Variants in FHOD3 observed in about 807,000 individuals in gnomAD.
FHOD3 encodes FH1/FH2 domain-containing protein 3.
A neutral mutation model predicts 173.0 loss-of-function variants in FHOD3; 90 were observed. The observed-to-expected ratio is 0.52, with a 90% CI of 0.44 to 0.62. FHOD3 has a LOEUF of 0.62. Among genes scored for constraint, FHOD3 ranks in the 20% least tolerant of loss-of-function variants. The pLI is 0.00. For synonymous variants in FHOD3, 828 were observed against 823.0 expected (o/e 1.01, Z -0.10); for missense variants, 1,945 against 2,034.7 (o/e 0.96, Z 0.85).
chr18:36,596,687 G>T (rs1366214131), intron 7 of FHOD3, among the ~76,000 whole-genome samples: 1 of 152,148 alleles, frequency 6.6e-6, no homozygotes, highest in Non-Finnish European at 1.5e-5. Context: ...GAGGCAACTC[G>T]AGGTCTCTTT....
At chr18:36,547,213 C>T (rs1206247495) in intron 5 of FHOD3, among the ~76,000 whole-genome samples, 7 of 152,244 alleles carry the variant, frequency 4.6e-5, no homozygotes, top group South Asian at 2.1e-4. Flanking sequence ...AGCACCAGGC[C>T]GGCCTGTTCC....
chr18:36,333,806 C>G (rs1455761667), intron 1 of FHOD3, among the ~76,000 whole-genome samples: 1 of 152,236 alleles, frequency 6.6e-6, no homozygotes, highest in Admixed American at 6.5e-5. Flanking sequence ...AGTGACTTAT[C>G]CATGCTTAAG....
intron 6 of FHOD3, among the ~76,000 whole-genome samples, chr18:36,583,597 G>A (rs575783801): frequency 6.4e-4 from 98 of 152,204 alleles, no homozygotes; most frequent in African/African-American, 2.2e-3. Context: ...CCTGCTGTGT[G>A]GCTGTGCACC....
At chr18:36,635,503 A>G (rs2034819808) in intron 10 of FHOD3, among the ~76,000 whole-genome samples, 1 of 152,204 alleles carries the variant, frequency 6.6e-6, no homozygotes, top group Non-Finnish European at 1.5e-5. Flanking sequence ...TCGCTGGTCC[A>G]GGAAGGAGTG....
At chr18:36,520,128 T>G (rs1214961707) in intron 5 of FHOD3, among the ~76,000 whole-genome samples, 2 of 152,008 alleles carry the variant, frequency 1.3e-5, no homozygotes, top group East Asian at 3.9e-4. Flanking sequence ...TGGCTAATAT[T>G]TTTTATTTTT....
intron 3 of FHOD3, among the ~76,000 whole-genome samples, chr18:36,403,532 C>T (rs962878908): frequency 2.0e-5 from 3 of 152,270 alleles, no homozygotes; most frequent in Middle Eastern, 3.4e-3. Flanking sequence ...TTATCACTTA[C>T]GGATCTTACT....
intron 9 of FHOD3, among the ~76,000 whole-genome samples, chr18:36,622,612 G>C (rs2033802204): frequency 6.6e-6 from 1 of 152,128 alleles, no homozygotes; most frequent in African/African-American, 2.4e-5. Context: ...CCATTACTTG[G>C]GACAGTGTTA....
chr18:36,539,371 T>C (rs1006784568), intron 5 of FHOD3, among the ~76,000 whole-genome samples: 2 of 152,218 alleles, frequency 1.3e-5, no homozygotes, highest in Non-Finnish European at 2.9e-5. Context: ...TTCACGTGTA[T>C]AGAAGACATG....
chr18:36,642,321 T>A (rs1009338394), intron 10 of FHOD3, among the ~76,000 whole-genome samples: 3 of 152,124 alleles, frequency 2.0e-5, no homozygotes, highest in Non-Finnish European at 2.9e-5. Context: ...TTACATATTT[T>A]AAAAATCCTA....
At chr18:36,514,637 A>T (rs982307482) in intron 5 of FHOD3, among the ~76,000 whole-genome samples, 1 of 152,250 alleles carries the variant, frequency 6.6e-6, no homozygotes, top group Non-Finnish European at 1.5e-5. Flanking sequence ...AAAATAAGTT[A>T]TCCCCAACAC....
intron 3 of FHOD3, among the ~76,000 whole-genome samples, chr18:36,436,582 AATG>A (rs2050821359): frequency 6.6e-6 from 1 of 152,244 alleles, no homozygotes; most frequent in African/African-American, 2.4e-5. Context: ...TTTGTGACGT[AATG>A]ATCTTAATAT....
At chr18:36,443,639 T>G (rs1568278667) in intron 3 of FHOD3, among the ~76,000 whole-genome samples, 1 of 152,220 alleles carries the variant, frequency 6.6e-6, no homozygotes, top group Non-Finnish European at 1.5e-5. Flanking sequence ...GAACGGTGTT[T>G]AGAAACCAAG....
chr18:36,553,655 G>A (rs190092910), intron 5 of FHOD3, among the ~76,000 whole-genome samples: 196 of 151,938 alleles, frequency 1.3e-3, no homozygotes, highest in Non-Finnish European at 2.5e-3. Context: ...CTGTGGGATC[G>A]GCTTCTGCAT....
At chr18:36,364,236 C>T (rs2046778699) in intron 2 of FHOD3, among the ~76,000 whole-genome samples, 1 of 152,072 alleles carries the variant, frequency 6.6e-6, no homozygotes, top group Non-Finnish European at 1.5e-5. Flanking sequence ...AAGTTTTTTT[C>T]TTGTATAAGA....
At chr18:36,410,659 A>AATT (rs1347384922) in intron 3 of FHOD3, among the ~76,000 whole-genome samples, 1 of 152,068 alleles carries the variant, frequency 6.6e-6, no homozygotes, top group Admixed American at 6.5e-5. Context: ...ATGTGGTAAG[A>AATT]ATTTGTTTTT....
At chr18:36,612,891 A>C (rs759922284) in intron 9 of FHOD3, among the ~76,000 whole-genome samples, 1 of 152,244 alleles carries the variant, frequency 6.6e-6, no homozygotes, top group Non-Finnish European at 1.5e-5. Flanking sequence ...TGTGCATTCT[A>C]CCAACACTCT....
At chr18:36,380,654 T>C (rs890385891) in intron 3 of FHOD3, among the ~76,000 whole-genome samples, 2 of 147,262 alleles carry the variant, frequency 1.4e-5, no homozygotes, top group Admixed American at 7.0e-5. Context: ...CTGTATCTCT[T>C]TCTTTCTTTT....
intron 3 of FHOD3, among the ~76,000 whole-genome samples, chr18:36,391,298 C>T (rs778379031): frequency 3.0e-4 from 46 of 152,162 alleles, no homozygotes; most frequent in Non-Finnish European, 6.0e-4. Flanking sequence ...GCTCATGGAA[C>T]AGGGAGAGGC....
intron 1 of FHOD3, among the ~76,000 whole-genome samples, chr18:36,317,497 A>T (rs2044186588): frequency 6.6e-6 from 1 of 151,610 alleles, no homozygotes; most frequent in Non-Finnish European, 1.5e-5. Flanking sequence ...ATTTTTTCAT[A>T]TGTCTGTTGG....
Sources: allele counts gnomAD v4.1 joint callset (sites outside exome capture counted in the v4.1 genomes callset), GRCh38; gene constraint gnomAD v4.1.1; transcripts MANE v1.5; gene names NCBI Gene and HGNC (gene_info 2026-07-23, HGNC 2026-07-21).